JAKMIP3: variants seen among roughly 807,000 people sequenced by gnomAD.
JAKMIP3 encodes Janus kinase and microtubule interacting protein 3, also known as janus kinase and microtubule-interacting protein 3.
Under a neutral mutation model 118.5 loss-of-function variants are expected in JAKMIP3, and 58 were observed. That is an observed-to-expected ratio of 0.49 (90% CI 0.40 to 0.61). The LOEUF (loss-of-function observed/expected upper bound fraction) is 0.61. JAKMIP3 is among the 20% of genes least tolerant of loss of function. The pLI, the probability that JAKMIP3 is intolerant of heterozygous loss-of-function variation, is 0.00. For synonymous variants in JAKMIP3, 486 were observed against 451.2 expected (o/e 1.08, Z -0.98); for missense variants, 950 against 1,109.0 (o/e 0.86, Z 2.04).
At chr10:132,067,612 CTTCCGTGTGTACTG>C (rs1370487991) in intron 1 of JAKMIP3, among the ~76,000 whole-genome samples, 127 of 36,060 alleles carry the variant, frequency 3.5e-3, no homozygotes, top group African/African-American at 0.01. Context: ...GGACTGTGGG[CTTCCGTGTGTACTG>C]TGGGCTTCCG....
chr10:132,166,584 G>C (rs1046389809), intron 21 of JAKMIP3, among the ~76,000 whole-genome samples: 1 of 152,144 alleles, frequency 6.6e-6, no homozygotes, highest in Non-Finnish European at 1.5e-5. Context: ...TCAATACAAC[G>C]TTCACCATTA....
At chr10:132,155,403 T>C (rs1037654428) in intron 19 of JAKMIP3, among the ~76,000 whole-genome samples, 2 of 152,236 alleles carry the variant, frequency 1.3e-5, no homozygotes, top group Admixed American at 1.3e-4. Context: ...TCTTCTCCTG[T>C]GCCCACAGCC....
intron 12 of JAKMIP3, 147 bp from the exon 13 acceptor site, chr10:132,145,371 G>A (rs559083117): frequency 2.6e-4 from 239 of 916,744 alleles, no homozygotes; most frequent in Middle Eastern, 1.0e-3. Context: ...GTGCCACCAC[G>A]CCCGGCTAAT....
In JAKMIP3 at chr10:132,178,136, G is replaced by A. The variant is rs545819423; in HGVS notation, c.*1104-4221G>A. The stretch of plus-strand genomic sequence containing the variant: ...CTTTATTATTTATTAGGGAGCTGTA[G>A]AGCCAAAATCAGTAGGAGGGTGACC... On this transcript the variant is annotated intron_variant, in intron 23 of 23. Coordinates refer to ENST00000684848, the MANE Select transcript of JAKMIP3 (RefSeq NM_001323087.2). Among the ~76,000 whole-genome samples the A allele has an allele frequency of 4.6e-5, 7 of 152,266 alleles. No homozygotes were observed. In the South Asian group the frequency reaches 1.2e-3, roughly 27 times the overall value.
At chr10:132,076,195 C>T (rs935715425) in intron 1 of JAKMIP3, among the ~76,000 whole-genome samples, 3 of 152,162 alleles carry the variant, frequency 2.0e-5, no homozygotes, top group Non-Finnish European at 4.4e-5. Context: ...GACAGCCACG[C>T]ATCTCCCTTC....
intron 1 of JAKMIP3, among the ~76,000 whole-genome samples, chr10:132,071,254 C>T (rs2094742): frequency 0.46 from 69,003 of 151,444 alleles, 16,292 homozygotes; most frequent in East Asian, 0.68. Flanking sequence ...CGTTCAATTT[C>T]TTTTTGGCCA....
chr10:132,161,062 T>C (rs113496140), intron 19 of JAKMIP3, among the ~76,000 whole-genome samples: 970 of 6,862 alleles, frequency 0.14, no homozygotes, highest in African/African-American at 0.17. Context: ...GGCGTGTCTT[T>C]CTGTGTGATG....
rs2061170367 is a variant in JAKMIP3 at position 132,180,730 on chromosome 10, CGTGTGTGCGTGCGTGCGCGCGCGTGT to C, written c.*1104-1623_*1104-1598del. ...GTGCGCGTGTGTGTGCGTGTGTGTG[CGTGTGTGCGTGCGTGCGCGCGCGTGT>C]GTGCGTGTGTGTGCGTGTGTGTGTG... On this transcript the variant is annotated intron_variant, in intron 23 of 23. Coordinates refer to ENST00000684848, the MANE Select transcript of JAKMIP3 (RefSeq NM_001323087.2). 4.6e-4 allele frequency among the ~76,000 whole-genome samples: 4 copies of C among 8,682 alleles called. 1 individual carries two copies. Among genetic ancestry groups the C allele is most frequent in the African/African-American group, 6.5e-4 (1 of 1,550 alleles). The allele number at this position is 8,682 out of a possible 152,430, so 5.7% of individuals were successfully genotyped here.
In JAKMIP3 at chr10:132,126,049, G is replaced by A. The variant is rs1458604247; in HGVS notation, c.634-7263G>A. 2.0e-5 allele frequency among the ~76,000 whole-genome samples: 3 copies of A among 152,298 alleles called. No individual in the cohort carries two copies. In the East Asian group the frequency reaches 5.8e-4, roughly 29 times the overall value. The stretch of plus-strand genomic sequence containing the variant: ...CAAAGTGCTGGGATGACAGGAGTGA[G>A]CCACCATACCTCATCCCGAAGACAG... On this transcript the variant is annotated intron_variant, in intron 3 of 23. Transcript: ENST00000684848.
intron 23 of JAKMIP3, among the ~76,000 whole-genome samples, chr10:132,172,776 G>A (rs1413719177): frequency 1.3e-5 from 2 of 151,786 alleles, no homozygotes; most frequent in Non-Finnish European, 2.9e-5. Context: ...AGGGAGCTCT[G>A]GCTTCTGTGT....
At chr10:132,151,824 G>T (rs1344286619) in intron 16 of JAKMIP3, among the ~76,000 whole-genome samples, 2 of 152,236 alleles carry the variant, frequency 1.3e-5, no homozygotes, top group East Asian at 1.9e-4. Flanking sequence ...AGGGACAGAG[G>T]AGGTTGGATA....
chr10:132,088,305 C>G (rs1348877242), intron 1 of JAKMIP3, among the ~76,000 whole-genome samples: 1 of 152,218 alleles, frequency 6.6e-6, no homozygotes, highest in Non-Finnish European at 1.5e-5. Flanking sequence ...AGTGGTTGAA[C>G]TACTTTACAG....
intron 19 of JAKMIP3, among the ~76,000 whole-genome samples, chr10:132,159,084 G>GCA (rs2057458046): frequency 7.0e-6 from 1 of 142,694 alleles, no homozygotes. Flanking sequence ...CGCTGGGGTT[G>GCA]TGTCTTCCCG....
chr10:132,153,893 A>C lies in JAKMIP3; in HGVS notation c.2143-20A>C. On this transcript the variant is annotated intron_variant, in intron 18 of 23. Coordinates refer to ENST00000684848, the MANE Select transcript of JAKMIP3 (RefSeq NM_001323087.2). ...CAGGTGGGACATCCGAGACCGAGGC[A>C]TGGCCCTCCTGTGTTTCAGGAGCTG... The C allele has an allele frequency of 6.2e-7, 1 of 1,613,044 alleles. No homozygotes were observed. Among genetic ancestry groups the C allele is most frequent in the Non-Finnish European group, 8.5e-7 (1 of 1,179,766 alleles).
chr10:132,092,024 C>T (rs1371561335), intron 1 of JAKMIP3, among the ~76,000 whole-genome samples: 1 of 151,768 alleles, frequency 6.6e-6, no homozygotes, highest in Non-Finnish European at 1.5e-5. Flanking sequence ...TTCTCCTTCA[C>T]TTATGAAGCT....
chr10:132,090,222 C>G (rs992465915), intron 1 of JAKMIP3, among the ~76,000 whole-genome samples: 1 of 152,198 alleles, frequency 6.6e-6, no homozygotes, highest in African/African-American at 2.4e-5. Context: ...ATGCTGGCCT[C>G]ATAAAATGAG....
chr10:132,151,202 C>A (rs550719080), intron 16 of JAKMIP3, among the ~76,000 whole-genome samples: 7 of 152,264 alleles, frequency 4.6e-5, no homozygotes, highest in East Asian at 1.9e-4. Flanking sequence ...ATCTATGCAT[C>A]CTCCATCATT....
chr10:132,136,094 T>C lies in JAKMIP3; in HGVS notation c.1116+18T>C, dbSNP rs1171858447. On this transcript the variant is annotated intron_variant, in intron 6 of 23. Coordinates refer to ENST00000684848, the MANE Select transcript of JAKMIP3 (RefSeq NM_001323087.2). ...TAGAAATGGTGAGGGGGTGGGGGGCTCCACGGGGCCACGGTCGCACCCGAG... is the reference window on the plus strand; with the variant it reads ...TAGAAATGGTGAGGGGGTGGGGGGCCCCACGGGGCCACGGTCGCACCCGAG... 1 of 1,610,962 alleles carries C rather than the reference T, an allele frequency of 6.2e-7. No individual in the cohort carries two copies.
At chr10:132,133,887 A>G (rs1402885666) in intron 4 of JAKMIP3, among the ~76,000 whole-genome samples, 1 of 152,122 alleles carries the variant, frequency 6.6e-6, no homozygotes, top group Non-Finnish European at 1.5e-5. Flanking sequence ...CGCTGCCACC[A>G]TCTCCAAGCA....
Sources: gnomAD v4.1 joint callset for allele counts (sites outside exome capture counted in the v4.1 genomes callset) on GRCh38, gnomAD v4.1.1 for gene constraint, MANE v1.5 for transcripts, NCBI Gene and HGNC (gene_info 2026-07-23, HGNC 2026-07-21) for gene names.